HLCS: variants seen among roughly 807,000 people sequenced by gnomAD.
HLCS encodes the protein holocarboxylase synthetase, also known as biotin--protein ligase.
HLCS carries 53 observed loss-of-function variants against 75.0 expected under a neutral mutation model. That is an observed-to-expected ratio of 0.71 (90% CI 0.57 to 0.89). HLCS has a LOEUF of 0.89. HLCS is among the 40% of genes least tolerant of loss of function. HLCS has a pLI of 0.00. For synonymous variants in HLCS, 431 were observed against 428.6 expected, an observed-to-expected ratio of 1.01 and a Z score of -0.07; for missense variants, 966 against 1,074.0, an observed-to-expected ratio of 0.90 and a Z score of 1.41.
intron 5 of HLCS, among the ~76,000 whole-genome samples, chr21:36,915,134 G>T (rs987771974): frequency 6.6e-6 from 1 of 152,190 alleles, no homozygotes; most frequent in African/African-American, 2.4e-5. Context: ...GGCTTCTTGT[G>T]GGGGCAGGGG....
chr21:36,795,610 T>C (rs930447216), intron 6 of HLCS, among the ~76,000 whole-genome samples: 4 of 152,214 alleles, frequency 2.6e-5, no homozygotes, highest in African/African-American at 4.8e-5. Context: ...TCAAGAAATA[T>C]GCAAAATTAG....
chr21:36,762,466 G>C (rs189020465), intron 8 of HLCS, among the ~76,000 whole-genome samples: 2 of 152,298 alleles, frequency 1.3e-5, no homozygotes, highest in Admixed American at 1.3e-4. Flanking sequence ...AGGAATGCCT[G>C]CATCCCAGCG....
chr21:36,959,572 T>G (rs1167205425), intron 2 of HLCS, among the ~76,000 whole-genome samples: 2 of 152,232 alleles, frequency 1.3e-5, no homozygotes, highest in Non-Finnish European at 2.9e-5. Context: ...AGGTGAAGCC[T>G]GTGGCCCAGA....
Position 36,934,052 on chromosome 21 carries a change from C to T in HLCS, c.1437+2397G>A, listed in dbSNP as rs368688851. Among the ~76,000 whole-genome samples, 58 of 152,196 alleles carry T rather than the reference C, an allele frequency of 3.8e-4. No homozygotes were observed. The South Asian group carries it at 8.7e-3, about 23-fold the overall frequency. Reference sequence around the variant, plus strand: ...AGAAAAGAGGCCACCTCTGGTTCTACGCTCCCAATTAGCAGGGAGAAATGG... The same window carrying T: ...AGAAAAGAGGCCACCTCTGGTTCTATGCTCCCAATTAGCAGGGAGAAATGG... On this transcript the variant is annotated intron_variant, in intron 4 of 10. Coordinates refer to ENST00000674895, the MANE Select transcript of HLCS (RefSeq NM_001352514.2).
At chr21:36,857,113 A>T (rs2063222011) in intron 6 of HLCS, among the ~76,000 whole-genome samples, 1 of 152,236 alleles carries the variant, frequency 6.6e-6, no homozygotes, top group African/African-American at 2.4e-5. Context: ...AAAATAGGTC[A>T]AACAACATGT....
chr21:36,780,322 C>G (rs2060488805), intron 6 of HLCS, among the ~76,000 whole-genome samples: 1 of 152,096 alleles, frequency 6.6e-6, no homozygotes, highest in African/African-American at 2.4e-5. Flanking sequence ...AGGTTCACAC[C>G]ATTCTCCTGC....
upstream of HLCS, chr21:36,968,766 T>A (rs2068708970): frequency 1.3e-5 from 2 of 152,224 alleles, no homozygotes; most frequent in Admixed American, 1.3e-4. Flanking sequence ...TCTTGAAGTT[T>A]GCTGAATTAT....
chr21:36,980,489 T>TA (rs1256610057), intron 1 of HLCS: 1 of 152,010 alleles, frequency 6.6e-6, no homozygotes, highest in African/African-American at 2.4e-5. Context: ...CCCTGGGGAA[T>TA]AAAAAGCAGG....
chr21:36,826,511 C>T (rs2062014019), intron 6 of HLCS, among the ~76,000 whole-genome samples: 1 of 152,204 alleles, frequency 6.6e-6, no homozygotes, highest in Admixed American at 6.5e-5. Flanking sequence ...TGCCTTCATG[C>T]TTCCTTTTTT....
chr21:36,806,747 G>A (rs750902142), intron 6 of HLCS, among the ~76,000 whole-genome samples: 1 of 152,254 alleles, frequency 6.6e-6, no homozygotes, highest in East Asian at 1.9e-4. Flanking sequence ...ATCTATTGCT[G>A]TGTAACAAAT....
chr21:36,962,723 C>T (rs1375727536), intron 1 of HLCS, among the ~76,000 whole-genome samples: 1 of 145,934 alleles, frequency 6.9e-6, no homozygotes, highest in East Asian at 2.1e-4. Context: ...AGCCTGGGAG[C>T]CCGAGGTTGC....
chr21:36,788,224 T>A (rs1371236590), intron 6 of HLCS, among the ~76,000 whole-genome samples: 1 of 152,220 alleles, frequency 6.6e-6, no homozygotes, highest in Non-Finnish European at 1.5e-5. Flanking sequence ...AAGGGGCACG[T>A]GCCACTGGCA....
chr21:36,937,781 G>A (rs995019803), intron 3 of HLCS, among the ~76,000 whole-genome samples: 4 of 152,170 alleles, frequency 2.6e-5, no homozygotes, highest in African/African-American at 9.7e-5. Flanking sequence ...CATATCTAGA[G>A]TCTACCCCAG....
intron 1 of HLCS, among the ~76,000 whole-genome samples, chr21:36,981,842 T>C (rs915428074): frequency 1.3e-5 from 2 of 152,164 alleles, no homozygotes; most frequent in East Asian, 3.9e-4. Flanking sequence ...CTTCTCAGTT[T>C]AGGGGAATGG....
At chr21:36,986,057 G>C (rs2069222721) in intron 1 of HLCS, among the ~76,000 whole-genome samples, 1 of 152,210 alleles carries the variant, frequency 6.6e-6, no homozygotes, top group Non-Finnish European at 1.5e-5. Context: ...TGTTGGAAAT[G>C]TAATCCCCAG....
upstream of HLCS, among the ~76,000 whole-genome samples, chr21:36,969,773 A>T (rs2068735735): frequency 6.6e-6 from 1 of 151,976 alleles, no homozygotes; most frequent in Non-Finnish European, 1.5e-5. Flanking sequence ...GGGTTTCACC[A>T]TGTTGGCCAG....
At chr21:36,760,021 G>A (rs554690993) in intron 8 of HLCS, among the ~76,000 whole-genome samples, 180 bp from the exon 9 acceptor site, 9 of 152,296 alleles carry the variant, frequency 5.9e-5, no homozygotes, top group African/African-American at 2.2e-4. Flanking sequence ...TTGGGGCCAG[G>A]AGGTAAAAGC....
chr21:36,933,113 G>A (rs529608111), intron 4 of HLCS, among the ~76,000 whole-genome samples: 12 of 151,882 alleles, frequency 7.9e-5, no homozygotes, highest in Admixed American at 2.6e-4. Flanking sequence ...GTGAGACTCC[G>A]GCTCAAAAAA....
intron 1 of HLCS, among the ~76,000 whole-genome samples, chr21:36,965,114 A>C (rs1395984568): frequency 6.6e-6 from 1 of 152,200 alleles, no homozygotes; most frequent in Non-Finnish European, 1.5e-5. Context: ...TATGGTACTA[A>C]CAAGAAAGAG....
Sources: allele counts gnomAD v4.1 joint callset (sites outside exome capture counted in the v4.1 genomes callset), GRCh38; gene constraint gnomAD v4.1.1; transcripts MANE v1.5; gene names NCBI Gene and HGNC (gene_info 2026-07-23, HGNC 2026-07-21).